NXPE2: variants seen among roughly 807,000 people sequenced by gnomAD.
NXPE2 encodes NXPE family member 2.
A neutral mutation model predicts 34.4 loss-of-function variants in NXPE2; 34 were observed. The observed-to-expected ratio is 0.99, with a 90% CI of 0.75 to 1.31. The LOEUF is 1.31. Ranked by LOEUF, NXPE2 falls within the 40% of genes most tolerant of loss-of-function variation. The pLI is 0.00. For missense variants in NXPE2, 649 were observed against 672.5 expected, an observed-to-expected ratio of 0.97 and a Z score of 0.39; for synonymous variants, 235 against 231.3, an observed-to-expected ratio of 1.02 and a Z score of -0.15.
chr11:114,714,184 A>G, the NXPE2 span, among the ~76,000 whole-genome samples: 3 of 152,332 alleles, frequency 2.0e-5, no homozygotes, highest in South Asian at 2.1e-4. Context: ...GCTTCTTGCC[A>G]GTGCTTTGTG....
intron 2 of NXPE2, among the ~76,000 whole-genome samples, chr11:114,694,623 CT>C (rs1377854342): frequency 6.6e-6 from 1 of 151,946 alleles, no homozygotes; most frequent in Non-Finnish European, 1.5e-5. Context: ...ATATTCTGTT[CT>C]TTTTTCATGC....
At chr11:114,739,507 A>G in the NXPE2 span, among the ~76,000 whole-genome samples, 2 of 151,888 alleles carry the variant, frequency 1.3e-5, no homozygotes, top group South Asian at 2.1e-4. Context: ...TATTTAAGGT[A>G]TACAATGTGA....
intron 2 of NXPE2, among the ~76,000 whole-genome samples, chr11:114,685,960 C>G (rs984917568): frequency 2.6e-5 from 4 of 151,870 alleles, no homozygotes; most frequent in Non-Finnish European, 5.9e-5. Context: ...GGTTAAAAAA[C>G]GGCAACATGA....
At chr11:114,726,903 AC>A in the NXPE2 span, among the ~76,000 whole-genome samples, 4 of 151,982 alleles carry the variant, frequency 2.6e-5, no homozygotes, top group African/African-American at 4.8e-5. Flanking sequence ...AATCAGAATG[AC>A]CTTTACCATC....
At chr11:114,625,461 A>G in the NXPE2 span, among the ~76,000 whole-genome samples, 1 of 152,108 alleles carries the variant, frequency 6.6e-6, no homozygotes, top group Admixed American at 6.5e-5. Context: ...TTGGGTAACC[A>G]CTGTCACCCG....
the NXPE2 span, among the ~76,000 whole-genome samples, chr11:114,628,769 A>C: frequency 1.3e-5 from 2 of 151,938 alleles, no homozygotes; most frequent in African/African-American, 4.8e-5. Context: ...ATTGATAGAA[A>C]GCTAGCAAGA....
At chr11:114,508,732 G>A in the NXPE2 span, among the ~76,000 whole-genome samples, 3 of 152,164 alleles carry the variant, frequency 2.0e-5, no homozygotes, top group African/African-American at 7.2e-5. Context: ...CACCTTATAC[G>A]AAAATTGTCT....
the NXPE2 span, among the ~76,000 whole-genome samples, chr11:114,625,692 C>G: frequency 6.6e-6 from 1 of 152,130 alleles, no homozygotes. Context: ...CGAGTAGGAA[C>G]AGCCCCGGTC....
the NXPE2 span, among the ~76,000 whole-genome samples, chr11:114,655,627 A>C: frequency 2.0e-5 from 3 of 152,170 alleles, no homozygotes; most frequent in Non-Finnish European, 4.4e-5. Context: ...GGAAGATCAG[A>C]TGGTTGTAGA....
At chr11:114,577,178 A>T in the NXPE2 span, among the ~76,000 whole-genome samples, 1 of 147,466 alleles carries the variant, frequency 6.8e-6, no homozygotes, top group African/African-American at 2.5e-5. Flanking sequence ...ATATATATAT[A>T]TAAAATGTTA....
the NXPE2 span, among the ~76,000 whole-genome samples, chr11:114,628,461 T>C: frequency 2.2e-4 from 33 of 152,130 alleles, no homozygotes; most frequent in Admixed American, 3.9e-4. Flanking sequence ...AAAGATGTTC[T>C]TTGAAACCAA....
At chr11:114,578,794 G>A in the NXPE2 span, among the ~76,000 whole-genome samples, 190 of 152,214 alleles carry the variant, frequency 1.2e-3, no homozygotes, top group South Asian at 1.9e-3. Flanking sequence ...GTGCGCTCTT[G>A]GTTTAGTAAA....
chr11:114,640,529 C>G, the NXPE2 span, among the ~76,000 whole-genome samples: 6 of 151,746 alleles, frequency 4.0e-5, no homozygotes, highest in East Asian at 3.8e-4. Context: ...TGAGAAACCT[C>G]CATACTATTT....
chr11:114,698,092 C>T lies in NXPE2; in HGVS notation c.180C>T (p.Ile60=), dbSNP rs763217446. The change falls in exon 3 of 6, where the codon ATC becomes ATT. Residue 60 remains isoleucine, a synonymous_variant. Transcript: ENST00000389586. ...ENHIILNQGN[I]FKKYSHSETP... is the part of the protein sequence containing the mutation. Reference sequence around the variant, plus strand: ...ATATTATCCTGAACCAAGGGAACATCTTCAAAAAATATTCACACTCTGAAA... The same window carrying T: ...ATATTATCCTGAACCAAGGGAACATTTTCAAAAAATATTCACACTCTGAAA... 1.4e-5 allele frequency: 23 copies of T among 1,603,218 alleles called. No individual in the cohort carries two copies. The Admixed American group carries it at 3.8e-4, about 26-fold the overall frequency.
At chr11:114,626,645 A>G in the NXPE2 span, among the ~76,000 whole-genome samples, 2 of 152,246 alleles carry the variant, frequency 1.3e-5, no homozygotes, top group Non-Finnish European at 2.9e-5. Context: ...GCAGTTCCTC[A>G]CCAGCAACAG....
At chr11:114,670,801 T>A in the NXPE2 span, among the ~76,000 whole-genome samples, 1 of 151,794 alleles carries the variant, frequency 6.6e-6, no homozygotes, top group Admixed American at 6.6e-5. Flanking sequence ...AATATTCAGT[T>A]TTCAACAAAA....
the NXPE2 span, chr11:114,583,738 A>C: frequency 8.4e-5 from 44 of 520,896 alleles, no homozygotes; most frequent in African/African-American, 6.9e-4. Context: ...CCACCTTGGA[A>C]CTGCTAAAGT....
the NXPE2 span, chr11:114,584,182 G>A: frequency 1.2e-5 from 4 of 331,444 alleles, no homozygotes; most frequent in Non-Finnish European, 2.4e-5. Context: ...ATGTTGCTCA[G>A]TGCCCTGGAA....
the NXPE2 span, among the ~76,000 whole-genome samples, chr11:114,504,160 C>A: frequency 2.0e-5 from 3 of 152,208 alleles, no homozygotes; most frequent in Non-Finnish European, 4.4e-5. Flanking sequence ...GCTTCATTTG[C>A]CCTGCCAGTA....
Sources: allele counts gnomAD v4.1 joint callset (sites outside exome capture counted in the v4.1 genomes callset), GRCh38; gene constraint gnomAD v4.1.1; transcripts MANE v1.5; gene names NCBI Gene and HGNC (gene_info 2026-07-23, HGNC 2026-07-21).